The following MYOM3 variants were observed in gnomAD, a reference collection of about 807,000 sequenced individuals.
MYOM3 encodes myomesin-3.
Under a neutral mutation model 191.7 loss-of-function variants are expected in MYOM3, and 155 were observed. The ratio of observed to expected loss-of-function variants is 0.81; its 90% CI spans 0.71 to 0.92. The LOEUF is 0.92. Among genes scored for constraint, MYOM3 ranks in the 40% least tolerant of loss-of-function variants. The pLI is 0.00. For missense variants in MYOM3, 1,889 were observed against 1,890.6 expected (o/e 1.00, Z 0.02); for synonymous variants, 757 against 762.9 (o/e 0.99, Z 0.13).
At position 24,091,777 on chromosome 1, in the gene MYOM3, C is replaced by T. The variant is rs144631848; in HGVS notation, c.1232+397G>A. ...AGAGCCGGCCACACTGGAAAAAGGC[C>T]GGAGGTTCTGGCCTCTCTACCTGTT... On this transcript the variant is annotated intron_variant, in intron 11 of 36. Coordinates refer to ENST00000374434, the MANE Select transcript of MYOM3 (RefSeq NM_152372.4). Among the ~76,000 whole-genome samples the T allele has an allele frequency of 2.0e-4, 31 of 152,296 alleles. No individual in the cohort carries two copies. The East Asian group carries it at 5.4e-3, about 27-fold the overall frequency.
chr1:24,057,704 G>T, intron 36 of MYOM3, 77 bp from the exon 37 acceptor site: 1 of 1,351,766 alleles, frequency 7.4e-7, no homozygotes, highest in Admixed American at 1.8e-5. Flanking sequence ...TGCCCCCAGA[G>T]AGCTCCCAGC....
chr1:24,075,591 T>A, intron 21 of MYOM3, 116 bp from the exon 22 acceptor site: 1 of 1,121,830 alleles, frequency 8.9e-7, no homozygotes, highest in Non-Finnish European at 1.2e-6. Context: ...TAAACTTGAC[T>A]CCTTGCTGTG....
In MYOM3 at chr1:24,105,923, G is replaced by C. The variant is rs761492016; in HGVS notation, c.557C>G (p.Thr186Ser). The change falls in exon 5 of 37, where the codon ACC (threonine) becomes AGC (serine). Residue 186 changes from threonine to serine, a missense_variant. By Grantham distance (58) the Thr-to-Ser change is moderately conservative. Coordinates refer to ENST00000374434, the MANE Select transcript of MYOM3 (RefSeq NM_152372.4). The part of the protein sequence containing the change: ...TVQASPPPQV[T>S]WYKNDTRIDP... The stretch of plus-strand genomic sequence containing the variant: ...CCTTCCTGCCCCAGCGGCTTACCAG[G>C]TGACCTGGGGTGGTGGTGAGGCCTG... 1 of 1,600,538 alleles carries C rather than the reference G, an allele frequency of 6.2e-7. No homozygotes were observed. Among genetic ancestry groups the C allele is most frequent in the Admixed American group, 1.7e-5 (1 of 58,480 alleles).
chr1:24,080,046 G>A lies in MYOM3; in HGVS notation c.2556C>T (p.Thr852=). The change falls in exon 20 of 37, where the codon ACC becomes ACT. Residue 852 remains threonine (T), a synonymous_variant. Coordinates refer to ENST00000374434, the MANE Select transcript of MYOM3 (RefSeq NM_152372.4). ...GGTGGGTGCCAGAGATGGGGCCTGGGGTGACCGGCTTCCACTGCTCAGAGC... is the reference window on the plus strand; with the variant it reads ...GGTGGGTGCCAGAGATGGGGCCTGGAGTGACCGGCTTCCACTGCTCAGAGC... ...EEGSEQWKPV[T]PGPISGTHLR... is the part of the protein sequence containing the mutation. 1 of 1,614,002 alleles carries A rather than the reference G, an allele frequency of 6.2e-7. No individual in the cohort carries two copies. The highest frequency in any genetic ancestry group is 8.5e-7 in the Non-Finnish European group (1 of 1,179,968).
intron 25 of MYOM3, among the ~76,000 whole-genome samples, chr1:24,069,959 CA>C (rs1455527809): frequency 3.9e-5 from 6 of 151,936 alleles, no homozygotes; most frequent in Non-Finnish European, 8.8e-5. Context: ...ATGAAATTCA[CA>C]AATAATATGA....
Position 24,074,983 on chromosome 1 carries a change from G to A in MYOM3, c.2858+336C>T, listed in dbSNP as rs117061166. Among the ~76,000 whole-genome samples the A allele has an allele frequency of 1.3e-3, 193 of 152,242 alleles. 1 individual carries two copies. The East Asian group carries it at 0.03, about 23-fold the overall frequency. On this transcript the variant is annotated intron_variant, in intron 22 of 36. Coordinates refer to ENST00000374434, the MANE Select transcript of MYOM3 (RefSeq NM_152372.4). The stretch of plus-strand genomic sequence containing the variant: ...GCCAAGCTACTCAGGAGGCTGAGGC[G>A]GGAGGATCACTTGCTCTTGGGAGGT...
At chr1:24,078,200 C>T (rs565078734) in intron 20 of MYOM3, among the ~76,000 whole-genome samples, 10 of 151,790 alleles carry the variant, frequency 6.6e-5, no homozygotes, top group African/African-American at 2.2e-4. Flanking sequence ...CTGCAACCTC[C>T]GCCTCCCAGG....
chr1:24,065,806 C>T, intron 29 of MYOM3, 85 bp downstream of exon 29: 1 of 1,038,696 alleles, frequency 9.6e-7, no homozygotes, highest in South Asian at 1.3e-5. Flanking sequence ...CTCGGCCCTG[C>T]CCTGACTCCC....
At position 24,099,677 on chromosome 1, in the gene MYOM3, C is replaced by T. The variant is rs1643898127; in HGVS notation, c.656+3G>A. 1.2e-6 allele frequency: 2 copies of T among 1,612,594 alleles called. No individual in the cohort carries two copies. The highest frequency in any genetic ancestry group is 4.5e-5 in the East Asian group (2 of 44,860). ...ATAGGTCTCTCCAGGTCTCCAGTCTCACCTCCTAATCTCCAGGGACAGCAG... is the reference window on the plus strand; with the variant it reads ...ATAGGTCTCTCCAGGTCTCCAGTCTTACCTCCTAATCTCCAGGGACAGCAG... On this transcript the variant is annotated splice_donor_region_variant and intron_variant, in intron 6 of 36. Transcript: ENST00000374434.
At chr1:24,077,482 C>A (rs538957903) in intron 20 of MYOM3, among the ~76,000 whole-genome samples, 1 of 152,192 alleles carries the variant, frequency 6.6e-6, no homozygotes, top group Non-Finnish European at 1.5e-5. Context: ...GAGTGCGCTG[C>A]CTGGAATGCC....
intron 9 of MYOM3, 132 bp from the exon 10 acceptor site, chr1:24,093,240 G>T: frequency 1.6e-6 from 1 of 644,632 alleles, no homozygotes. Flanking sequence ...CTCAGGCCTT[G>T]GGTGGGGGTG....
In MYOM3 at chr1:24,095,465, C is replaced by T; in HGVS notation, c.767G>A (p.Gly256Asp). 1.2e-6 allele frequency: 2 copies of T among 1,612,888 alleles called. No homozygotes were observed. Among genetic ancestry groups the T allele is most frequent in the Non-Finnish European group, 1.7e-6 (2 of 1,179,332 alleles). ...ACTTTTGAAGATCTCTGAATCGAAG[C>T]CAGCATCCTTCCCCAGGTAAGCTGA... ...LVRTYLGKDA[G>D]FDSEIFKRST... The change falls in exon 8 of 37, where the codon GGC becomes GAC. Residue 256 changes from glycine to aspartate, a missense_variant. Transcript: ENST00000374434.
intron 36 of MYOM3, among the ~76,000 whole-genome samples, chr1:24,058,021 G>A (rs557442982): frequency 5.3e-5 from 8 of 152,206 alleles, no homozygotes; most frequent in Admixed American, 2.0e-4. Context: ...TGATCAGGCT[G>A]GTCTTAAACT....
chr1:24,068,963 A>T (rs1643490252), intron 25 of MYOM3, among the ~76,000 whole-genome samples: 1 of 152,054 alleles, frequency 6.6e-6, no homozygotes, highest in Non-Finnish European at 1.5e-5. Context: ...GCCTCAAGTG[A>T]TCTGCCTGCC....
intron 16 of MYOM3, chr1:24,083,499 C>G (rs942637702): frequency 2.0e-5 from 3 of 152,574 alleles, no homozygotes; most frequent in Non-Finnish European, 4.4e-5. Context: ...TGCAAACAGC[C>G]GGTTGTACGA....
chr1:24,091,388 T>C (rs111750470), intron 11 of MYOM3, among the ~76,000 whole-genome samples: 1,689 of 152,258 alleles, frequency 0.011, 32 homozygotes, highest in African/African-American at 0.037. Flanking sequence ...TACCTGAGCT[T>C]GTCCCCTCCC....
chr1:24,110,907 C>T (rs1475645045), intron 1 of MYOM3, among the ~76,000 whole-genome samples: 1 of 152,170 alleles, frequency 6.6e-6, no homozygotes, highest in Non-Finnish European at 1.5e-5. Flanking sequence ...ACACGATGGC[C>T]CTGGCTCCAG....
intron 1 of MYOM3, among the ~76,000 whole-genome samples, chr1:24,110,875 A>C (rs1223145755): frequency 6.6e-6 from 1 of 151,802 alleles, no homozygotes; most frequent in African/African-American, 2.4e-5. Flanking sequence ...AGGACCCCCC[A>C]CTCTGCCCCA....
chr1:24,105,824 A>T lies in MYOM3; in HGVS notation c.560+96T>A, dbSNP rs1643977333. 3 of 1,264,536 alleles carry T rather than the reference A, an allele frequency of 2.4e-6. No individual in the cohort carries two copies. The Admixed American group carries it at 6.6e-5, about 28-fold the overall frequency. 78.3% of individuals were successfully genotyped at this position (1,264,536 alleles called of 1,614,324 possible). ...TGGGTGGACAGAGCTCAGGGTTCACAGGTCTGCAACAAGAAGTCCTGGCAG... is the reference window on the plus strand; with the variant it reads ...TGGGTGGACAGAGCTCAGGGTTCACTGGTCTGCAACAAGAAGTCCTGGCAG... On this transcript the variant is annotated intron_variant, in intron 5 of 36. Transcript: ENST00000374434.
Sources: allele counts gnomAD v4.1 joint callset (sites outside exome capture counted in the v4.1 genomes callset), GRCh38; gene constraint gnomAD v4.1.1; transcripts MANE v1.5; gene names NCBI Gene and HGNC (gene_info 2026-07-23, HGNC 2026-07-21).